THAP12: variants seen among roughly 807,000 people sequenced by gnomAD.
The protein encoded by THAP12 is 52 kDa repressor of the inhibitor of the protein kinase.
A neutral mutation model predicts 63.0 loss-of-function variants in THAP12; 20 were observed. That is an observed-to-expected ratio of 0.32 (90% CI 0.22 to 0.46). The LOEUF (loss-of-function observed/expected upper bound fraction) is 0.46, where lower values mean the gene tolerates loss of function less well. Among genes scored for constraint, THAP12 ranks in the 20% least tolerant of loss-of-function variants. THAP12 has a pLI of 1.00. For missense variants in THAP12, 568 were observed against 908.2 expected (o/e 0.63, Z 4.81); for synonymous variants, 264 against 328.4 (o/e 0.80, Z 2.12).
At chr11:76,366,105 T>C (rs1946628816) in intron 1 of THAP12, 133 bp from the exon 2 acceptor site, 1 of 1,064,648 alleles carries the variant, frequency 9.4e-7, no homozygotes, top group Non-Finnish European at 1.3e-6. Flanking sequence ...TTGGAGAATT[T>C]GATTAATAAC....
At chr11:76,380,614 G>T in intron 1 of THAP12, 134 bp downstream of exon 1, 1 of 621,054 alleles carries the variant, frequency 1.6e-6, no homozygotes, top group Non-Finnish European at 2.3e-6. Context: ...GTCCAACGCT[G>T]GGGTCGACGG....
At chr11:76,373,204 G>A (rs972393281) in intron 1 of THAP12, among the ~76,000 whole-genome samples, 1 of 150,384 alleles carries the variant, frequency 6.6e-6, no homozygotes. Flanking sequence ...AAATTAGCCA[G>A]GCATGGTGGT....
At chr11:76,371,810 C>CTTTTTTTTTTTTT (rs71036086) in intron 1 of THAP12, among the ~76,000 whole-genome samples, 2 of 65,772 alleles carry the variant, frequency 3.0e-5, no homozygotes, top group African/African-American at 6.1e-5. Flanking sequence ...TTTAACTTTT[C>CTTTTTTTTTTTTT]TTTTTTTTTT....
At chr11:76,375,407 T>A (rs1336976493) in intron 1 of THAP12, among the ~76,000 whole-genome samples, 1 of 151,516 alleles carries the variant, frequency 6.6e-6, no homozygotes, top group Admixed American at 6.6e-5. Flanking sequence ...TTTTTTTTTT[T>A]ACTTAAACCG....
chr11:76,380,721 G>A, intron 1 of THAP12, 27 bp downstream of exon 1: 1 of 1,391,370 alleles, frequency 7.2e-7, no homozygotes, highest in Admixed American at 2.9e-5. Flanking sequence ...GTGGGCCCGG[G>A]CCGCCCGCTC....
chr11:76,366,378 G>A (rs1946630581), intron 1 of THAP12, among the ~76,000 whole-genome samples: 3 of 152,102 alleles, frequency 2.0e-5, no homozygotes, highest in Non-Finnish European at 4.4e-5. Flanking sequence ...AAACAACACT[G>A]TCACTGTAGA....
At chr11:76,357,367 A>T (rs1372720048) in intron 3 of THAP12, 1 of 152,242 alleles carries the variant, frequency 6.6e-6, no homozygotes, top group Non-Finnish European at 1.5e-5. Flanking sequence ...CCAGGAAAAT[A>T]GAAATAAACA....
chr11:76,354,526 C>A (rs1185845784), intron 4 of THAP12, among the ~76,000 whole-genome samples: 1 of 152,162 alleles, frequency 6.6e-6, no homozygotes, highest in African/African-American at 2.4e-5. Flanking sequence ...TTTTGGACAT[C>A]TTTTTAGGTG....
At position 76,351,591 on chromosome 11, in the gene THAP12, G is replaced by A; in HGVS notation, c.1559C>T (p.Ser520Leu). The change falls in exon 5 of 5, where the codon TCA becomes TTA. Residue 520 changes from serine (S) to leucine (L), a missense_variant. By Grantham distance (145) the Ser-to-Leu change is moderately radical. Transcript: ENST00000260045. The stretch of plus-strand genomic sequence containing the variant: ...AATATTTTCCATCACTTCGTTGAGT[G>A]AATGCAGTACTGCAGTCAAGCTACC... ...AAGSLTAVLH[S>L]LNEVMENIEV... The A allele has an allele frequency of 6.3e-7, 1 of 1,587,578 alleles. No individual in the cohort carries two copies. The highest frequency in any genetic ancestry group is 8.6e-7 in the Non-Finnish European group (1 of 1,163,368).
intron 1 of THAP12, among the ~76,000 whole-genome samples, chr11:76,374,769 T>C (rs1946697623): frequency 6.6e-6 from 1 of 152,208 alleles, no homozygotes; most frequent in Admixed American, 6.5e-5. Context: ...CCTGAAAGGA[T>C]CTTGGGGATT....
At chr11:76,353,240 A>C (rs946591712) in intron 4 of THAP12, among the ~76,000 whole-genome samples, 4 of 152,214 alleles carry the variant, frequency 2.6e-5, no homozygotes, top group African/African-American at 9.6e-5. Context: ...ATGACAGTCC[A>C]TGCCCTCAGA....
chr11:76,358,905 A>G (rs1946579117), intron 3 of THAP12: 1 of 152,220 alleles, frequency 6.6e-6, no homozygotes, highest in Admixed American at 6.5e-5. Context: ...ATTATACTTA[A>G]TGGGGCAAGG....
intron 1 of THAP12, among the ~76,000 whole-genome samples, chr11:76,370,843 A>ATATATAT (rs1433930243): frequency 7.1e-6 from 1 of 141,528 alleles, no homozygotes; most frequent in African/African-American, 2.6e-5. Flanking sequence ...AAAAAAAAAA[A>ATATATAT]ATATATATAT....
In THAP12 at chr11:76,352,750, T is replaced by G. The variant is rs1276822096; in HGVS notation, c.400A>C (p.Asn134His). The stretch of plus-strand genomic sequence containing the variant: ...TCGCTGGGGTTCTGAGCATTGCTAT[T>G]GTTGGTTTCTTTATGTTTTTGTTCC... ...EQEQKHKETNNSNAQNPSEEE... is the reference protein window; with the variant it reads ...EQEQKHKETNHSNAQNPSEEE... Residue 134 changes from asparagine to histidine, a missense_variant, in exon 5 of 5, where the codon AAT (asparagine) becomes CAT (histidine). Physicochemically the swap from Asn to His is moderately conservative, Grantham distance 68. Coordinates refer to ENST00000260045, the MANE Select transcript of THAP12 (RefSeq NM_004705.4). 4.5e-6 allele frequency: 7 copies of G among 1,549,632 alleles called. No homozygotes were observed. The highest frequency in any genetic ancestry group is 6.1e-6 in the Non-Finnish European group (7 of 1,151,714).
intron 3 of THAP12, 122 bp from the exon 4 acceptor site, chr11:76,355,776 ATAAATTCTT>A: frequency 1.3e-6 from 1 of 795,672 alleles, no homozygotes; most frequent in South Asian, 2.3e-5. Flanking sequence ...TTTCAAGAGC[ATAAATTCTT>A]TATATAGTAC....
chr11:76,362,349 G>A (rs1590802552), intron 2 of THAP12, among the ~76,000 whole-genome samples: 1 of 152,252 alleles, frequency 6.6e-6, no homozygotes, highest in Non-Finnish European at 1.5e-5. Context: ...GGGAGGTTGG[G>A]AAGACATGAA....
intron 2 of THAP12, among the ~76,000 whole-genome samples, chr11:76,362,561 G>A (rs1946604670): frequency 6.6e-6 from 1 of 152,162 alleles, no homozygotes; most frequent in Non-Finnish European, 1.5e-5. Context: ...GTCTACTAGG[G>A]AGGCTGAATG....
chr11:76,370,359 G>T (rs202218311), intron 1 of THAP12, among the ~76,000 whole-genome samples: 1 of 100,142 alleles, frequency 1.0e-5, no homozygotes, highest in Non-Finnish European at 2.4e-5. Context: ...CTGTGCATAT[G>T]TTTTTTGGGG....
intron 1 of THAP12, among the ~76,000 whole-genome samples, chr11:76,367,768 T>C (rs986901601): frequency 6.6e-6 from 1 of 152,182 alleles, no homozygotes; most frequent in African/African-American, 2.4e-5. Flanking sequence ...TTTTTTATGT[T>C]TTAACACTAT....
Sources: gnomAD v4.1 joint callset for allele counts (sites outside exome capture counted in the v4.1 genomes callset) on GRCh38, gnomAD v4.1.1 for gene constraint, MANE v1.5 for transcripts, NCBI Gene and HGNC (gene_info 2026-07-23, HGNC 2026-07-21) for gene names.